Variants in SNX13 observed in about 807,000 individuals in gnomAD.
SNX13 encodes the protein sorting nexin 13.
A neutral mutation model predicts 133.6 loss-of-function variants in SNX13; 45 were observed. That is an observed-to-expected ratio of 0.34 (90% confidence interval 0.27 to 0.43). SNX13 has a LOEUF of 0.43. Among genes scored for constraint, SNX13 ranks in the 20% least tolerant of loss-of-function variants. The pLI, the probability that SNX13 is intolerant of heterozygous loss-of-function variation, is 1.00. For missense variants in SNX13, 1,032 were observed against 1,145.1 expected, an observed-to-expected ratio of 0.90 and a Z score of 1.43; for synonymous variants, 414 against 373.9, an observed-to-expected ratio of 1.11 and a Z score of -1.24.
chr7:17,916,833 T>C (rs1282971381), intron 1 of SNX13, among the ~76,000 whole-genome samples: 1 of 152,108 alleles, frequency 6.6e-6, no homozygotes, highest in Non-Finnish European at 1.5e-5. Context: ...ATCATCCTGA[T>C]ACCAATTTCT....
At position 17,834,189 on chromosome 7, in the gene SNX13, G is replaced by A; in HGVS notation, c.1465-5C>T. 1 of 1,548,646 alleles carries A rather than the reference G, an allele frequency of 6.5e-7. No homozygotes were observed. Among genetic ancestry groups the A allele is most frequent in the Non-Finnish European group, 8.8e-7 (1 of 1,141,450 alleles). On this transcript the variant is annotated splice_polypyrimidine_tract_variant and splice_region_variant and intron_variant, in intron 14 of 25. Transcript: ENST00000428135. ...TCGTAGCATCAATTCATATACCTTG[G>A]TGAAATAAATCAAGATATTCAACAA...
chr7:17,801,009 CATATATATATATATATATATATAT>C lies in SNX13; in HGVS notation c.2298+555_2298+578del, dbSNP rs71010273. On this transcript the variant is annotated intron_variant, in intron 22 of 25. Coordinates refer to ENST00000428135, the MANE Select transcript of SNX13 (RefSeq NM_015132.5). Reference sequence around the variant, plus strand: ...CTTGGCAGTATCTACTAAAACTGAACATATATATATATATATATATATATATATATATATATATATATATATATA... The same window carrying C: ...CTTGGCAGTATCTACTAAAACTGAACATATATATATATATATATATATATA... Among the ~76,000 whole-genome samples, 111 of 120,212 alleles carry C rather than the reference CATATATATATATATATATATATAT, an allele frequency of 9.2e-4. 1 individual carries two copies. In the Middle Eastern group the frequency reaches 0.012, roughly 13 times the overall value. 78.9% of individuals were successfully genotyped at this position (120,212 alleles called of 152,430 possible). A position where few individuals can be genotyped will look rare whatever the true frequency, so the allele number is the denominator to read the frequency against.
At chr7:17,874,062 T>C (rs1053463779) in intron 7 of SNX13, among the ~76,000 whole-genome samples, 3 of 152,214 alleles carry the variant, frequency 2.0e-5, no homozygotes, top group Non-Finnish European at 2.9e-5. Context: ...GCTCTTCTAT[T>C]CTGCTGATTT....
chr7:17,804,853 T>C (rs1351686454), intron 20 of SNX13, among the ~76,000 whole-genome samples: 2 of 152,146 alleles, frequency 1.3e-5, no homozygotes, highest in East Asian at 1.9e-4. Flanking sequence ...TTAGGAATCA[T>C]AGCAACGTTA....
chr7:17,915,821 AG>A (rs1337079406), intron 1 of SNX13, among the ~76,000 whole-genome samples: 1 of 152,254 alleles, frequency 6.6e-6, no homozygotes, highest in Admixed American at 6.5e-5. Flanking sequence ...AGACATCTAC[AG>A]GACACTTAAC....
rs763537711 is a variant in SNX13 at position 17,803,628 on chromosome 7, G to A, written c.2065-48C>T. The A allele has an allele frequency of 1.9e-5, 28 of 1,505,996 alleles. No homozygotes were observed. The South Asian group carries it at 3.4e-4, about 18-fold the overall frequency. 93.3% of individuals were successfully genotyped at this position (1,505,996 alleles called of 1,614,324 possible). A position where few individuals can be genotyped will look rare whatever the true frequency, so the allele number is the denominator to read the frequency against. ...ACCATGACTTTATTGTACCAGAGTT[G>A]TTATCCAAATGACAAGCCTTGGAAA... On this transcript the variant is annotated intron_variant, in intron 20 of 25. Coordinates refer to ENST00000428135, the MANE Select transcript of SNX13 (RefSeq NM_015132.5).
At chr7:17,906,333 T>C (rs1656344265) in intron 1 of SNX13, among the ~76,000 whole-genome samples, 1 of 152,174 alleles carries the variant, frequency 6.6e-6, no homozygotes, top group African/African-American at 2.4e-5. Flanking sequence ...CTTAGATTCA[T>C]CTCATAGCTT....
chr7:17,798,858 T>G (rs952737772), intron 23 of SNX13, 100 bp from the exon 24 acceptor site: 6 of 1,222,178 alleles, frequency 4.9e-6, no homozygotes, highest in Non-Finnish European at 6.9e-6. Flanking sequence ...TGGATGTAAA[T>G]TATCCCTGAG....
rs71010278 is a variant in SNX13 at position 17,913,760 on chromosome 7, CAA to C, written c.13-16316_13-16315del. On this transcript the variant is annotated intron_variant, in intron 1 of 25. Coordinates refer to ENST00000428135, the MANE Select transcript of SNX13 (RefSeq NM_015132.5). Reference sequence around the variant, plus strand: ...CCAAACAATAGCAAATTAACAAAAACAAAAAAAAAAAAAAAAAAAAAAGAAGC... The same window carrying C: ...CCAAACAATAGCAAATTAACAAAAACAAAAAAAAAAAAAAAAAAAAGAAGC... Among the ~76,000 whole-genome samples, 303 of 54,096 alleles carry C rather than the reference CAA, an allele frequency of 5.6e-3. 1 individual carries two copies. Among genetic ancestry groups the C allele is most frequent in the African/African-American group, 0.016 (163 of 10,406 alleles). 35.5% of individuals were successfully genotyped at this position (54,096 alleles called of 152,430 possible).
intron 1 of SNX13, among the ~76,000 whole-genome samples, chr7:17,908,842 C>T (rs1798648480): frequency 6.6e-6 from 1 of 152,082 alleles, no homozygotes; most frequent in Non-Finnish European, 1.5e-5. Flanking sequence ...TAGGAAGGAA[C>T]ATATCATCTG....
intron 9 of SNX13, 28 bp downstream of exon 9, chr7:17,868,379 C>T: frequency 6.7e-7 from 1 of 1,496,404 alleles, no homozygotes; most frequent in Non-Finnish European, 9.2e-7. Flanking sequence ...ATTTCTAAAA[C>T]AGAGTTGTAA....
At chr7:17,831,139 T>C in intron 15 of SNX13, 1 of 984,356 alleles carries the variant, frequency 1.0e-6, no homozygotes. Flanking sequence ...AAGGAGAATT[T>C]GGGAGCAAAA....
intron 13 of SNX13, among the ~76,000 whole-genome samples, chr7:17,839,470 A>G (rs1158973979): frequency 6.6e-6 from 1 of 151,924 alleles, no homozygotes; most frequent in Non-Finnish European, 1.5e-5. Flanking sequence ...ATACATTTAA[A>G]CATATATACG....
chr7:17,939,216 G>C (rs1802469144), intron 1 of SNX13, among the ~76,000 whole-genome samples: 1 of 152,130 alleles, frequency 6.6e-6, no homozygotes, highest in African/African-American at 2.4e-5. Context: ...ACAAATGTTT[G>C]TATTTCCTTT....
intron 16 of SNX13, among the ~76,000 whole-genome samples, chr7:17,827,459 A>G (rs1399778534): frequency 6.6e-6 from 1 of 152,036 alleles, no homozygotes; most frequent in African/African-American, 2.4e-5. Flanking sequence ...AACCATCCAT[A>G]TGGCACAAAG....
intron 13 of SNX13, among the ~76,000 whole-genome samples, chr7:17,837,480 T>C (rs1309884855): frequency 6.6e-6 from 1 of 152,006 alleles, no homozygotes; most frequent in East Asian, 1.9e-4. Context: ...ATGTAATAAT[T>C]GGGATTTTAC....
intron 1 of SNX13, chr7:17,898,172 A>G (rs1212825364): frequency 6.6e-6 from 1 of 152,174 alleles, no homozygotes; most frequent in African/African-American, 2.4e-5. Context: ...TGGCAACTTA[A>G]GTCATTATGA....
intron 1 of SNX13, among the ~76,000 whole-genome samples, chr7:17,939,988 G>C (rs180793278): frequency 6.6e-6 from 1 of 152,200 alleles, no homozygotes. Context: ...AAGGGGACAC[G>C]AAGAAGGGAG....
chr7:17,898,403 G>A (rs1012664859), intron 1 of SNX13: 12 of 152,154 alleles, frequency 7.9e-5, no homozygotes, highest in Non-Finnish European at 1.0e-4. Context: ...CTACAGAACA[G>A]ACAGTAAGTG....
Sources: gnomAD v4.1 joint callset for allele counts (sites outside exome capture counted in the v4.1 genomes callset) on GRCh38, gnomAD v4.1.1 for gene constraint, MANE v1.5 for transcripts, NCBI Gene and HGNC (gene_info 2026-07-23, HGNC 2026-07-21) for gene names.